MSI2: variants seen among roughly 807,000 people sequenced by gnomAD.
The protein encoded by MSI2 is musashi RNA binding protein 2.
Under a neutral mutation model 45.6 loss-of-function variants are expected in MSI2, and 17 were observed. That is an observed-to-expected ratio of 0.37 (90% CI 0.26 to 0.56). MSI2 has a LOEUF of 0.56. Ranked by LOEUF, MSI2 falls within the 20% of genes least tolerant of loss-of-function variation. MSI2 has a pLI of 0.77. For synonymous variants in MSI2, 156 were observed against 158.2 expected (o/e 0.99, Z 0.11); for missense variants, 293 against 444.2 (o/e 0.66, Z 3.06).
intron 7 of MSI2, among the ~76,000 whole-genome samples, chr17:57,568,073 T>A (rs2087780545): frequency 6.6e-6 from 1 of 152,264 alleles, no homozygotes; most frequent in South Asian, 2.1e-4. Context: ...CTTTCAGCAT[T>A]TCTGCAACTG....
intron 6 of MSI2, among the ~76,000 whole-genome samples, chr17:57,486,022 C>T (rs948096321): frequency 6.6e-6 from 1 of 152,360 alleles, no homozygotes; most frequent in African/African-American, 2.4e-5. Flanking sequence ...GGGTCGGTTT[C>T]GCCAACCAGG....
chr17:57,682,613 T>TC lies in MSI2; in HGVS notation c.*3102dup. On this transcript the variant is annotated 3_prime_UTR_variant, in exon 14 of 14. Coordinates refer to ENST00000284073, the MANE Select transcript of MSI2 (RefSeq NM_138962.4). Reference sequence around the variant, plus strand: ...TACCTAGGTTTAAGGTTCACGTTAGTCCCCCCATTCCATCTAGAAGTCCAT... The same window carrying TC: ...TACCTAGGTTTAAGGTTCACGTTAGTCCCCCCCATTCCATCTAGAAGTCCAT... The TC allele has an allele frequency of 4.8e-6, 1 of 209,920 alleles. No individual in the cohort carries two copies. The highest frequency in any genetic ancestry group is 1.5e-3 in the Middle Eastern group (1 of 664). 13.0% of individuals were successfully genotyped at this position (209,920 alleles called of 1,614,324 possible).
At chr17:57,578,866 T>C (rs547863264) in intron 7 of MSI2, among the ~76,000 whole-genome samples, 7 of 152,264 alleles carry the variant, frequency 4.6e-5, no homozygotes, top group Admixed American at 3.9e-4. Context: ...TTCCCCCTCC[T>C]CTTTGATAAG....
chr17:57,571,779 C>T (rs187063598), intron 7 of MSI2, among the ~76,000 whole-genome samples: 75 of 152,302 alleles, frequency 4.9e-4, no homozygotes, highest in African/African-American at 1.8e-3. Context: ...CTGTTCTTTT[C>T]CTCTCTGTTC....
At chr17:57,366,977 A>G (rs1452489450) in intron 5 of MSI2, among the ~76,000 whole-genome samples, 1 of 152,172 alleles carries the variant, frequency 6.6e-6, no homozygotes, top group Non-Finnish European at 1.5e-5. Context: ...ATATCCAACT[A>G]GTCAATCAGA....
chr17:57,587,896 G>A (rs536634464), intron 7 of MSI2, among the ~76,000 whole-genome samples: 32 of 152,274 alleles, frequency 2.1e-4, no homozygotes, highest in South Asian at 1.2e-3. Context: ...GATGTCTGGC[G>A]TGTCTGGTCA....
chr17:57,365,460 A>G (rs1237098166), intron 5 of MSI2, among the ~76,000 whole-genome samples: 1 of 152,192 alleles, frequency 6.6e-6, no homozygotes, highest in Non-Finnish European at 1.5e-5. Flanking sequence ...CTCACAGGAA[A>G]GTGTGGGGAA....
intron 5 of MSI2, among the ~76,000 whole-genome samples, chr17:57,292,149 G>A (rs1283820911): frequency 1.3e-5 from 2 of 151,938 alleles, no homozygotes; most frequent in Admixed American, 6.5e-5. Context: ...GGAGACCCTC[G>A]GACAGCTGCC....
chr17:57,372,966 T>C (rs2083442146), intron 5 of MSI2, among the ~76,000 whole-genome samples: 2 of 152,146 alleles, frequency 1.3e-5, no homozygotes, highest in South Asian at 4.1e-4. Flanking sequence ...TTACCAAATA[T>C]GGCTGGGCAC....
At chr17:57,356,923 TG>T (rs1916465075) in intron 5 of MSI2, among the ~76,000 whole-genome samples, 1 of 152,192 alleles carries the variant, frequency 6.6e-6, no homozygotes, top group South Asian at 2.1e-4. Flanking sequence ...GTCCTCGCTT[TG>T]GGGTTTTGTG....
At chr17:57,457,826 T>C (rs143672743) in intron 6 of MSI2, among the ~76,000 whole-genome samples, 6,211 of 152,248 alleles carry the variant, frequency 0.041, 177 homozygotes, top group Non-Finnish European at 0.06. Context: ...GGAGGATCAC[T>C]TGAGTCCAGG....
chr17:57,606,439 G>A (rs1906586185), intron 8 of MSI2: 1 of 152,232 alleles, frequency 6.6e-6, no homozygotes, highest in African/African-American at 2.4e-5. Flanking sequence ...GTGGAACAGA[G>A]ATTTAAAGCC....
chr17:57,315,621 TG>T (rs1567752663), intron 5 of MSI2, among the ~76,000 whole-genome samples: 3 of 152,100 alleles, frequency 2.0e-5, no homozygotes, highest in Admixed American at 6.5e-5. Flanking sequence ...CAAAGCCCAC[TG>T]GTGGTAAAGG....
intron 6 of MSI2, chr17:57,450,312 AAAGAAAG>A (rs2084989277): frequency 2.1e-5 from 3 of 140,812 alleles, no homozygotes; most frequent in African/African-American, 5.2e-5. Context: ...AGAAAGAAAG[AAAGAAAG>A]AAAACCTTTG....
intron 6 of MSI2, among the ~76,000 whole-genome samples, chr17:57,458,302 G>A (rs1486857652): frequency 1.3e-5 from 2 of 152,032 alleles, no homozygotes; most frequent in African/African-American, 2.4e-5. Context: ...GGGTTTCACT[G>A]TGTTAGCCAG....
chr17:57,610,304 TAGC>T (rs976311474), intron 8 of MSI2, among the ~76,000 whole-genome samples: 3 of 152,046 alleles, frequency 2.0e-5, no homozygotes, highest in African/African-American at 7.2e-5. Flanking sequence ...ATACAAAAAT[TAGC>T]AGGGCGTGGT....
intron 6 of MSI2, among the ~76,000 whole-genome samples, chr17:57,454,478 C>T (rs2085077054): frequency 7.1e-6 from 1 of 140,158 alleles, no homozygotes; most frequent in African/African-American, 2.7e-5. Context: ...CGCTCTGTCT[C>T]CAAGCTGGAG....
chr17:57,555,725 T>G (rs2087419077), intron 7 of MSI2, among the ~76,000 whole-genome samples: 1 of 152,218 alleles, frequency 6.6e-6, no homozygotes, highest in South Asian at 2.1e-4. Context: ...TGGGACATAA[T>G]AGGTACTTGG....
chr17:57,502,980 T>C (rs530004518), intron 6 of MSI2, among the ~76,000 whole-genome samples: 1 of 152,280 alleles, frequency 6.6e-6, no homozygotes, highest in South Asian at 2.1e-4. Context: ...ATTTTTTTTT[T>C]CAGTGATTTA....
Sources: gnomAD v4.1 joint callset for allele counts (sites outside exome capture counted in the v4.1 genomes callset) on GRCh38, gnomAD v4.1.1 for gene constraint, MANE v1.5 for transcripts, NCBI Gene and HGNC (gene_info 2026-07-23, HGNC 2026-07-21) for gene names.